ZNF91: variants seen among roughly 807,000 people sequenced by gnomAD.
ZNF91 encodes the protein zinc finger protein 91 (HPF7, HTF10).
Under a neutral mutation model 12.6 loss-of-function variants are expected in ZNF91, and 7 were observed. That is an observed-to-expected ratio of 0.55 (90% CI 0.31 to 1.04). The LOEUF is 1.04. Among genes scored for constraint, ZNF91 ranks in the 50% least tolerant of loss-of-function variants. The probability of loss-of-function intolerance (pLI) is 0.05; values close to 1 mark genes in which losing one functional copy is unlikely to be tolerated. For missense variants in ZNF91, 1,217 were observed against 1,385.4 expected, an observed-to-expected ratio of 0.88 and a Z score of 1.93; for synonymous variants, 453 against 462.6, an observed-to-expected ratio of 0.98 and a Z score of 0.27.
chr19:23,306,245 C>A (rs1967397232), intron 3 of ZNF91, among the ~76,000 whole-genome samples: 1 of 152,198 alleles, frequency 6.6e-6, no homozygotes, highest in Non-Finnish European at 1.5e-5. Context: ...TGTTGACTCT[C>A]ATACCTAGAA....
downstream of ZNF91, among the ~76,000 whole-genome samples, chr19:23,353,644 A>AT (rs1451480707): frequency 1.5e-5 from 2 of 137,226 alleles, no homozygotes; most frequent in African/African-American, 5.7e-5. Context: ...AAAAAATACA[A>AT]AAGTAAATGA....
At chr19:23,386,578 G>C (rs1427191625) in intron 1 of ZNF91, among the ~76,000 whole-genome samples, 4 of 152,088 alleles carry the variant, frequency 2.6e-5, no homozygotes, top group African/African-American at 9.7e-5. Flanking sequence ...TTTAATAAAT[G>C]GTTGTGGAAT....
chr19:23,353,103 A>C (rs1286000333), downstream of ZNF91, among the ~76,000 whole-genome samples: 9 of 152,372 alleles, frequency 5.9e-5, no homozygotes. Flanking sequence ...CCCTGGAACA[A>C]ATGGACTTAA....
chr19:23,366,330 TA>T (rs886871732), intron 3 of ZNF91, among the ~76,000 whole-genome samples: 1 of 152,184 alleles, frequency 6.6e-6, no homozygotes, highest in African/African-American at 2.4e-5. Flanking sequence ...TGATGATGCT[TA>T]AAATCCTTAA....
At chr19:23,374,518 C>T in intron 2 of ZNF91, 120 bp downstream of exon 2, 1 of 1,059,254 alleles carries the variant, frequency 9.4e-7, no homozygotes, top group South Asian at 1.6e-5. Flanking sequence ...CAAGATCTCG[C>T]CACTGCACTC....
intron 1 of ZNF91, among the ~76,000 whole-genome samples, chr19:23,393,395 T>C (rs777530328): frequency 6.6e-6 from 1 of 152,170 alleles, no homozygotes; most frequent in South Asian, 2.1e-4. Flanking sequence ...GAAGCTGATA[T>C]TCACTAGACA....
intron 3 of ZNF91, among the ~76,000 whole-genome samples, chr19:23,343,136 A>G (rs1968157442): frequency 6.6e-6 from 1 of 152,240 alleles, no homozygotes; most frequent in Admixed American, 6.5e-5. Context: ...CATAAACACA[A>G]GCATATACAG....
chr19:23,319,110 T>G (rs571547449), intron 1 of ZNF91, among the ~76,000 whole-genome samples: 8 of 152,302 alleles, frequency 5.3e-5, no homozygotes, highest in Admixed American at 5.2e-4. Flanking sequence ...GGCCCTTCAC[T>G]CAGTGAGTAC....
At chr19:23,342,114 C>A in intron 3 of ZNF91, 1 of 382,228 alleles carries the variant, frequency 2.6e-6, no homozygotes, top group South Asian at 8.4e-5. Flanking sequence ...GTCTGAAATT[C>A]TTTCTGACCT....
chr19:23,322,308 G>A (rs1568367309), intron 1 of ZNF91, among the ~76,000 whole-genome samples: 1 of 152,100 alleles, frequency 6.6e-6, no homozygotes, highest in Non-Finnish European at 1.5e-5. Flanking sequence ...TAGAACCTAG[G>A]TGATATGGCT....
Position 23,373,747 on chromosome 19 carries a change from G to C in ZNF91, c.248C>G (p.Pro83Arg). Residue 83 changes from proline (P) to arginine (R), a missense_variant, in exon 3 of 4, where the codon CCC becomes CGC. Physicochemically the swap from Pro to Arg is moderately radical, Grantham distance 103. Around this residue, in one of 2 missense-constraint regions of ZNF91, gnomAD observed 726 missense variants for 895.5 expected, o/e 0.81. Coordinates refer to ENST00000300619, the MANE Select transcript of ZNF91 (RefSeq NM_003430.4). The stretch of plus-strand genomic sequence containing the variant: ...TTGTATTCACTCTCACCTACCTGTG[G>C]GTTCATCCACCATCTCATGTTGCTT... ...NMKQHEMVDE[P>R]TGICPHFPQD... 6.2e-7 allele frequency: 1 copy of C among 1,608,242 alleles called. No homozygotes were observed. Among genetic ancestry groups the C allele is most frequent in the Non-Finnish European group, 8.5e-7 (1 of 1,176,908 alleles).
intron 1 of ZNF91, among the ~76,000 whole-genome samples, chr19:23,383,971 G>A (rs539245042): frequency 2.0e-5 from 3 of 152,132 alleles, no homozygotes; most frequent in South Asian, 2.1e-4. Flanking sequence ...TTAGCCAAGC[G>A]TGGTGTCACG....
intron 1 of ZNF91, among the ~76,000 whole-genome samples, chr19:23,320,728 G>T (rs1967672268): frequency 6.6e-6 from 1 of 152,152 alleles, no homozygotes; most frequent in African/African-American, 2.4e-5. Context: ...TAAATTCTTT[G>T]GGTGGTACAG....
At chr19:23,368,554 C>A (rs373240799) in intron 3 of ZNF91, among the ~76,000 whole-genome samples, 52,531 of 100,780 alleles carry the variant, frequency 0.52, 12,276 homozygotes, top group Non-Finnish European at 0.59. Flanking sequence ...CTCTCTCTCT[C>A]TCTCTCTCTA....
intron 1 of ZNF91, among the ~76,000 whole-genome samples, chr19:23,319,109 C>T (rs1967630534): frequency 6.6e-6 from 1 of 152,192 alleles, no homozygotes; most frequent in Non-Finnish European, 1.5e-5. Context: ...GGGCCCTTCA[C>T]TCAGTGAGTA....
intron 3 of ZNF91, among the ~76,000 whole-genome samples, chr19:23,345,961 A>C (rs1968219131): frequency 6.6e-6 from 1 of 151,990 alleles, no homozygotes; most frequent in Admixed American, 6.6e-5. Flanking sequence ...AACCCTCAGC[A>C]GGAACCACTT....
intron 1 of ZNF91, among the ~76,000 whole-genome samples, chr19:23,387,870 G>A (rs1486455437): frequency 6.6e-6 from 1 of 150,576 alleles, no homozygotes; most frequent in Non-Finnish European, 1.5e-5. Context: ...TTAAACCCGG[G>A]AGGCAGAGGT....
chr19:23,360,507 T>G lies in ZNF91; in HGVS notation c.2472A>C (p.Lys824Asn), dbSNP rs1390145070. Residue 824 changes from lysine to asparagine, a missense_variant, in exon 4 of 4, where the codon AAA becomes AAC. Lys to Asn is a moderately conservative substitution (Grantham distance 94). This residue lies in a region of ZNF91 where 491 missense variants were observed against 489.8 expected (regional missense o/e 1.00). Coordinates refer to ENST00000300619, the MANE Select transcript of ZNF91 (RefSeq NM_003430.4). ...TGCCACATTCTTTACATTTGTAGGG[T>G]TTCTCTCCAGTATGAATTGTCTTAT... The part of the protein sequence containing the change: ...TKHKTIHTGE[K>N]PYKCKECGKA... 2.5e-6 allele frequency: 4 copies of G among 1,613,620 alleles called. No individual in the cohort carries two copies. Among genetic ancestry groups the G allele is most frequent in the Non-Finnish European group, 3.4e-6 (4 of 1,179,942 alleles).
chr19:23,382,136 T>C (rs1969740352), intron 1 of ZNF91, among the ~76,000 whole-genome samples: 1 of 151,516 alleles, frequency 6.6e-6, no homozygotes, highest in Non-Finnish European at 1.5e-5. Flanking sequence ...ATAAAATATA[T>C]ACGTAATCTA....
Sources: gnomAD v4.1 joint callset for allele counts (sites outside exome capture counted in the v4.1 genomes callset) on GRCh38, gnomAD v4.1.1 for gene constraint, gnomAD v4.1.1 regional missense constraint, MANE v1.5 for transcripts, NCBI Gene and HGNC (gene_info 2026-07-23, HGNC 2026-07-21) for gene names.